EFL1: variants seen among roughly 807,000 people sequenced by gnomAD.
EFL1 encodes elongation factor like GTPase 1, also known as elongation factor-like GTPase 1.
EFL1 carries 76 observed loss-of-function variants against 126.7 expected under a neutral mutation model. The observed-to-expected ratio is 0.60, with a 90% CI of 0.50 to 0.73. The LOEUF is 0.73. EFL1 is among the 30% of genes least tolerant of loss of function. EFL1 has a pLI of 0.00. For synonymous variants in EFL1, 410 were observed against 448.4 expected (o/e 0.91, Z 1.08); for missense variants, 1,128 against 1,343.2 (o/e 0.84, Z 2.50).
intron 15 of EFL1, among the ~76,000 whole-genome samples, chr15:82,173,341 G>A (rs1437188865): frequency 6.6e-6 from 1 of 152,122 alleles, no homozygotes; most frequent in Admixed American, 6.6e-5. Flanking sequence ...TTAAAGCATT[G>A]GAAGACAAAC....
chr15:82,221,750 C>G (rs764211439), intron 12 of EFL1, among the ~76,000 whole-genome samples: 1 of 152,236 alleles, frequency 6.6e-6, no homozygotes, highest in Non-Finnish European at 1.5e-5. Context: ...GCCACACTAC[C>G]ACTGCAAGAG....
intron 15 of EFL1, among the ~76,000 whole-genome samples, chr15:82,182,570 T>C (rs976992579): frequency 6.6e-6 from 1 of 152,100 alleles, no homozygotes; most frequent in Non-Finnish European, 1.5e-5. Flanking sequence ...ATGCCTGTAA[T>C]CCCAGCACTT....
chr15:82,237,925 T>C (rs1189449536), intron 7 of EFL1, among the ~76,000 whole-genome samples: 2 of 152,180 alleles, frequency 1.3e-5, no homozygotes, highest in African/African-American at 2.4e-5. Context: ...AAATATTACA[T>C]ATTTTTTGGT....
At chr15:82,210,518 G>C (rs2074572679) in intron 15 of EFL1, among the ~76,000 whole-genome samples, 1 of 152,152 alleles carries the variant, frequency 6.6e-6, no homozygotes, top group Non-Finnish European at 1.5e-5. Flanking sequence ...ACATGTGCTT[G>C]AAATAGCCTC....
intron 17 of EFL1, among the ~76,000 whole-genome samples, chr15:82,154,537 C>T (rs1167870014): frequency 1.3e-5 from 2 of 150,634 alleles, no homozygotes; most frequent in African/African-American, 2.5e-5. Context: ...GAACAGTGCA[C>T]AAAACAAAAA....
intron 15 of EFL1, among the ~76,000 whole-genome samples, chr15:82,201,667 T>A (rs1485592279): frequency 7.5e-6 from 1 of 133,800 alleles, no homozygotes; most frequent in Non-Finnish European, 1.6e-5. Flanking sequence ...TAGAAGAACA[T>A]ATGCCCATTT....
intron 14 of EFL1, among the ~76,000 whole-genome samples, chr15:82,216,114 T>C (rs2074643351): frequency 6.6e-6 from 1 of 152,078 alleles, no homozygotes; most frequent in Non-Finnish European, 1.5e-5. Flanking sequence ...AGAATAGCAA[T>C]AAATAGAAAA....
At chr15:82,168,918 T>C (rs1424822226) in intron 15 of EFL1, among the ~76,000 whole-genome samples, 2 of 152,164 alleles carry the variant, frequency 1.3e-5, no homozygotes, top group African/African-American at 2.4e-5. Context: ...TTCCTGGAAA[T>C]ATGCTGGCTT....
intron 15 of EFL1, among the ~76,000 whole-genome samples, chr15:82,183,085 G>A (rs1256019951): frequency 6.6e-6 from 1 of 152,302 alleles, no homozygotes; most frequent in South Asian, 2.1e-4. Flanking sequence ...CAGCCCACCT[G>A]ATACCGAGGT....
At chr15:82,132,687 G>A (rs560778390) in intron 19 of EFL1, among the ~76,000 whole-genome samples, 10 of 113,426 alleles carry the variant, frequency 8.8e-5, no homozygotes, top group East Asian at 2.8e-4. Flanking sequence ...GAATTGGGGG[G>A]GGGGGGGGGT....
At chr15:82,181,698 T>G (rs1017399639) in intron 15 of EFL1, among the ~76,000 whole-genome samples, 2 of 151,860 alleles carry the variant, frequency 1.3e-5, no homozygotes, top group African/African-American at 4.8e-5. Context: ...GCATAACAAG[T>G]TCTCTGGTAG....
intron 19 of EFL1, among the ~76,000 whole-genome samples, chr15:82,132,280 A>G (rs1263605248): frequency 1.3e-5 from 2 of 152,204 alleles, no homozygotes; most frequent in African/African-American, 4.8e-5. Context: ...AGAGAAGAAC[A>G]TGAATCAGAC....
chr15:82,174,389 T>C (rs944558429), intron 15 of EFL1: 5 of 151,748 alleles, frequency 3.3e-5, no homozygotes, highest in Non-Finnish European at 7.4e-5. Flanking sequence ...TAAGTACCTA[T>C]GATGATTAAA....
At chr15:82,255,589 C>G (rs1310745784) in intron 3 of EFL1, among the ~76,000 whole-genome samples, 3 of 151,940 alleles carry the variant, frequency 2.0e-5, no homozygotes, top group Admixed American at 6.5e-5. Context: ...AAATATTAGC[C>G]CATATTATTT....
intron 19 of EFL1, among the ~76,000 whole-genome samples, chr15:82,137,341 T>A (rs2073732501): frequency 6.6e-6 from 1 of 152,172 alleles, no homozygotes; most frequent in Non-Finnish European, 1.5e-5. Flanking sequence ...TGAAGCTAAA[T>A]CATGAGTTCT....
intron 18 of EFL1, among the ~76,000 whole-genome samples, chr15:82,145,976 G>A (rs2073841468): frequency 6.6e-6 from 1 of 150,620 alleles, no homozygotes; most frequent in East Asian, 1.9e-4. Context: ...CAGATTAGAA[G>A]GAAAAAATAC....
In EFL1 at chr15:82,220,161, G is replaced by T; in HGVS notation, c.1361C>A (p.Ala454Glu). ...CAAGGGTGCCTGTCCCTGTGCTGCTGCAAGCTTCTCTGCATGCCTTTGTCT... is the reference window on the plus strand; with the variant it reads ...CAAGGGTGCCTGTCCCTGTGCTGCTTCAAGCTTCTCTGCATGCCTTTGTCT... ...RARQRHAEKL[A>E]AAQGQAPLEP... is the part of the protein sequence containing the mutation. The change falls in exon 13 of 20, where the codon GCA (alanine) becomes GAA (glutamate). Residue 454 changes from alanine to glutamate, a missense_variant. By Grantham distance (107) the Ala-to-Glu change is moderately radical. Transcript: ENST00000268206. 2 of 1,613,782 alleles carry T rather than the reference G, an allele frequency of 1.2e-6. No individual in the cohort carries two copies. The highest frequency in any genetic ancestry group is 1.7e-6 in the Non-Finnish European group (2 of 1,179,848).
intron 11 of EFL1, among the ~76,000 whole-genome samples, chr15:82,225,929 AT>A (rs2074758844): frequency 6.6e-6 from 1 of 152,188 alleles, no homozygotes; most frequent in African/African-American, 2.4e-5. Flanking sequence ...CGTTAAAATA[AT>A]TTATATATAA....
chr15:82,220,956 T>C (rs990753703), intron 12 of EFL1, among the ~76,000 whole-genome samples: 3 of 152,150 alleles, frequency 2.0e-5, no homozygotes, highest in Non-Finnish European at 4.4e-5. Flanking sequence ...ACCAGGCCGG[T>C]AGACTGTTTC....
Sources: gnomAD v4.1 joint callset for allele counts (sites outside exome capture counted in the v4.1 genomes callset) on GRCh38, gnomAD v4.1.1 for gene constraint, MANE v1.5 for transcripts, NCBI Gene and HGNC (gene_info 2026-07-23, HGNC 2026-07-21) for gene names.